The following SMAD3 variants were observed in gnomAD, a reference collection of about 807,000 sequenced individuals.
The protein encoded by SMAD3 is SMAD family member 3, also known as MAD homolog 3.
A neutral mutation model predicts 51.8 loss-of-function variants in SMAD3; 12 were observed. The ratio of observed to expected loss-of-function variants is 0.23; its 90% confidence interval spans 0.15 to 0.38. The LOEUF is 0.38. Among genes scored for constraint, SMAD3 ranks in the 10% least tolerant of loss-of-function variants. The pLI is 1.00. For missense variants in SMAD3, 294 were observed against 565.6 expected, an observed-to-expected ratio of 0.52 and a Z score of 4.87; for synonymous variants, 238 against 227.7, an observed-to-expected ratio of 1.05 and a Z score of -0.41.
At chr15:67,117,617 C>T (rs975827205) in intron 1 of SMAD3, among the ~76,000 whole-genome samples, 14 of 152,162 alleles carry the variant, frequency 9.2e-5, no homozygotes, top group African/African-American at 3.1e-4. Context: ...CTGGGAAGTC[C>T]TCCAAGCTCT....
Position 67,194,867 on chromosome 15 carries a change from G to GT in SMAD3, c.*4331_*4332insT, listed in dbSNP as rs1486286627. 3.9e-5 allele frequency: 9 copies of GT among 233,346 alleles called. No individual in the cohort carries two copies. The East Asian group carries it at 4.8e-4, about 12-fold the overall frequency. The allele number at this position is 233,346 out of a possible 1,614,324, so 14.5% of individuals were successfully genotyped here. ...CAGAGAGATGGAGCCATCTATCCAA[G>GT]AAGCCTTCACTCACCTTCACTGCTG... On this transcript the variant is annotated 3_prime_UTR_variant, in exon 9 of 9. Transcript: ENST00000327367.
At chr15:67,159,538 G>T (rs1192486444) in intron 1 of SMAD3, among the ~76,000 whole-genome samples, 2 of 152,046 alleles carry the variant, frequency 1.3e-5, no homozygotes, top group African/African-American at 4.8e-5. Flanking sequence ...TATTTAAAGT[G>T]TGCAGTATGA....
chr15:67,179,051 C>G (rs549785629), intron 5 of SMAD3, among the ~76,000 whole-genome samples: 1 of 152,160 alleles, frequency 6.6e-6, no homozygotes, highest in Admixed American at 6.5e-5. Context: ...GTGTTTGATG[C>G]GCGCCCTGCA....
chr15:67,159,396 A>G (rs1962367834), intron 1 of SMAD3, among the ~76,000 whole-genome samples: 1 of 152,166 alleles, frequency 6.6e-6, no homozygotes, highest in African/African-American at 2.4e-5. Context: ...AAATATTAAG[A>G]CCAAGACACT....
At chr15:67,134,043 C>T (rs1370390513) in intron 1 of SMAD3, among the ~76,000 whole-genome samples, 6 of 152,078 alleles carry the variant, frequency 3.9e-5, no homozygotes, top group African/African-American at 1.4e-4. Flanking sequence ...TAGCAGTACT[C>T]CTCATTAGAG....
Position 67,066,240 on chromosome 15 carries a change from A to G in SMAD3, c.86A>G (p.Lys29Arg), listed in dbSNP as rs777440658. ...GGCGAGCAGAACGGGCAGGAGGAGAAATGGTGCGAGAAGGCGGTCAAGAGC... is the reference window on the plus strand; with the variant it reads ...GGCGAGCAGAACGGGCAGGAGGAGAGATGGTGCGAGAAGGCGGTCAAGAGC... ...KKGEQNGQEE[K>R]WCEKAVKSLV... The change falls in exon 1 of 9, where the codon AAA becomes AGA. Residue 29 changes from lysine (K) to arginine (R), a missense_variant. Physicochemically the swap from Lys to Arg is conservative, Grantham distance 26. Transcript: ENST00000327367. 2 of 1,613,564 alleles carry G rather than the reference A, an allele frequency of 1.2e-6. No homozygotes were observed. Among genetic ancestry groups the G allele is most frequent in the Non-Finnish European group, 1.7e-6 (2 of 1,179,816 alleles).
At chr15:67,085,899 C>CAT (rs1440855769) in intron 1 of SMAD3, among the ~76,000 whole-genome samples, 1 of 32,442 alleles carries the variant, frequency 3.1e-5, no homozygotes, top group Non-Finnish European at 7.2e-5. Flanking sequence ...CACACACACA[C>CAT]ATACACAGAG....
intron 1 of SMAD3, among the ~76,000 whole-genome samples, chr15:67,117,777 T>C (rs1290578918): frequency 2.0e-5 from 3 of 152,212 alleles, no homozygotes; most frequent in East Asian, 1.9e-4. Flanking sequence ...GTAATGAGAA[T>C]GTACAGAACT....
At chr15:67,107,991 G>A (rs1025933621) in intron 1 of SMAD3, among the ~76,000 whole-genome samples, 23 of 39,370 alleles carry the variant, frequency 5.8e-4, no homozygotes, top group South Asian at 2.5e-3. Flanking sequence ...ACCACCTCCC[G>A]CGCTGTGCCC....
intron 1 of SMAD3, among the ~76,000 whole-genome samples, chr15:67,074,276 T>C (rs934514114): frequency 1.3e-5 from 2 of 152,218 alleles, no homozygotes; most frequent in Non-Finnish European, 2.9e-5. Context: ...TTTTCTTCTT[T>C]TGTTGCTATT....
intron 5 of SMAD3, among the ~76,000 whole-genome samples, chr15:67,179,301 C>T (rs748024741): frequency 3.5e-4 from 53 of 152,214 alleles, no homozygotes; most frequent in Non-Finnish European, 5.7e-4. Context: ...TGGCAATATC[C>T]GCAGCCTTTT....
intron 6 of SMAD3, among the ~76,000 whole-genome samples, chr15:67,182,995 A>AT (rs1187056722): frequency 1.8e-3 from 106 of 57,344 alleles, no homozygotes; most frequent in African/African-American, 4.4e-3. Flanking sequence ...TTAAAAAAAA[A>AT]AAAAAATATA....
At chr15:67,124,646 G>T (rs1361556554) in intron 1 of SMAD3, among the ~76,000 whole-genome samples, 2 of 152,240 alleles carry the variant, frequency 1.3e-5, no homozygotes, top group Non-Finnish European at 2.9e-5. Flanking sequence ...ATCTGAGACT[G>T]TGTTTGAATA....
intron 1 of SMAD3, among the ~76,000 whole-genome samples, chr15:67,108,040 C>T (rs2140231187): frequency 6.7e-6 from 1 of 148,388 alleles, no homozygotes; most frequent in African/African-American, 2.5e-5. Flanking sequence ...GCTTCAGCAC[C>T]TCCCTGGTTA....
intron 1 of SMAD3, among the ~76,000 whole-genome samples, chr15:67,149,811 C>T (rs1202754279): frequency 1.3e-5 from 2 of 152,206 alleles, no homozygotes; most frequent in African/African-American, 2.4e-5. Flanking sequence ...GCTTGTAAAG[C>T]TTTGGTTCAG....
chr15:67,147,299 G>A (rs1293860826), intron 1 of SMAD3, among the ~76,000 whole-genome samples: 4 of 152,174 alleles, frequency 2.6e-5, no homozygotes, highest in Non-Finnish European at 5.9e-5. Context: ...GAAATGCCAG[G>A]CACAGCCGCT....
At chr15:67,155,907 A>G (rs1962270109) in intron 1 of SMAD3, among the ~76,000 whole-genome samples, 1 of 151,928 alleles carries the variant, frequency 6.6e-6, no homozygotes, top group Non-Finnish European at 1.5e-5. Context: ...GAATCGCTTG[A>G]ACCCGGGGGC....
chr15:67,176,187 A>G (rs35251008), intron 5 of SMAD3, among the ~76,000 whole-genome samples: 46,005 of 152,038 alleles, frequency 0.3, 7,048 homozygotes, highest in East Asian at 0.43. Flanking sequence ...CTAGCATAGG[A>G]GACTCAGGTA....
chr15:67,087,496 A>G (rs1359633431), intron 1 of SMAD3, among the ~76,000 whole-genome samples: 1 of 152,178 alleles, frequency 6.6e-6, no homozygotes, highest in African/African-American at 2.4e-5. Flanking sequence ...GCACCCTCTC[A>G]GCTGTGGCTG....
Sources: gnomAD v4.1 joint callset for allele counts (sites outside exome capture counted in the v4.1 genomes callset) on GRCh38, gnomAD v4.1.1 for gene constraint, MANE v1.5 for transcripts, NCBI Gene and HGNC (gene_info 2026-07-23, HGNC 2026-07-21) for gene names.